OSBPL2: variants seen among roughly 807,000 people sequenced by gnomAD.
OSBPL2 encodes oxysterol binding protein like 2.
Under a neutral mutation model 58.4 loss-of-function variants are expected in OSBPL2, and 18 were observed. That is an observed-to-expected ratio of 0.31 (90% CI 0.21 to 0.46). The LOEUF is 0.46. OSBPL2 is among the 20% of genes least tolerant of loss of function. The pLI is 1.00. For missense variants in OSBPL2, 461 were observed against 616.5 expected (o/e 0.75, Z 2.67); for synonymous variants, 221 against 234.1 (o/e 0.94, Z 0.51).
chr20:62,280,844 TA>T (rs1190785358), intron 7 of OSBPL2, among the ~76,000 whole-genome samples: 1 of 152,228 alleles, frequency 6.6e-6, no homozygotes, highest in African/African-American at 2.4e-5. Flanking sequence ...GACATTTAAG[TA>T]GAAAGCTTTG....
intron 6 of OSBPL2, among the ~76,000 whole-genome samples, chr20:62,274,813 C>A (rs1171063293): frequency 2.0e-5 from 3 of 152,262 alleles, no homozygotes; most frequent in Non-Finnish European, 4.4e-5. Flanking sequence ...CCTCCCTGCC[C>A]AGGAACAGAG....
chr20:62,265,815 A>C (rs1981625605), intron 4 of OSBPL2, among the ~76,000 whole-genome samples: 1 of 152,128 alleles, frequency 6.6e-6, no homozygotes, highest in African/African-American at 2.4e-5. Context: ...TTGACAAACC[A>C]CCTAATTTTG....
chr20:62,274,436 C>T (rs185809324), intron 6 of OSBPL2, among the ~76,000 whole-genome samples: 1 of 152,322 alleles, frequency 6.6e-6, no homozygotes, highest in Admixed American at 6.5e-5. Flanking sequence ...CCGTGGACCC[C>T]GTCATTCTCT....
At chr20:62,293,655 G>T in intron 13 of OSBPL2, 130 bp from the exon 14 acceptor site, 1 of 683,360 alleles carries the variant, frequency 1.5e-6, no homozygotes, top group Non-Finnish European at 2.4e-6. Context: ...TTGTTACGCT[G>T]GGCTGCATTT....
intron 8 of OSBPL2, chr20:62,281,421 C>G (rs1244643747): frequency 9.4e-6 from 5 of 531,196 alleles, no homozygotes; most frequent in Non-Finnish European, 1.7e-5. Context: ...AGAGCTGTGT[C>G]ATTGCCAGGT....
In OSBPL2 at chr20:62,283,861, G is replaced by T. The variant is rs2274937; in HGVS notation, c.873-185G>T. ...TTTCCGGCCCTTCATTTTCCTTTCC[G>T]TGGTGTGTATCGGGGCTACGAATGG... On this transcript the variant is annotated intron_variant, in intron 9 of 13. Transcript: ENST00000313733. Among the ~76,000 whole-genome samples, 4 of 151,798 alleles carry T rather than the reference G, an allele frequency of 2.6e-5. No individual in the cohort carries two copies. The East Asian group carries it at 7.8e-4, about 29-fold the overall frequency.
intron 6 of OSBPL2, among the ~76,000 whole-genome samples, chr20:62,274,427 C>T (rs957775192): frequency 1.3e-5 from 2 of 152,148 alleles, no homozygotes; most frequent in East Asian, 1.9e-4. Context: ...TTCCACTGCC[C>T]GTGGACCCCG....
Position 62,289,189 on chromosome 20 carries a change from C to T in OSBPL2, c.1126-18C>T. The T allele has an allele frequency of 6.2e-7, 1 of 1,613,220 alleles. No homozygotes were observed. The highest frequency in any genetic ancestry group is 8.5e-7 in the Non-Finnish European group (1 of 1,179,574). ...CAGAGGCCCTGCTGAGGTCGTGTCT[C>T]TGTGCCTTGCTCCACAGATGTATAA... On this transcript the variant is annotated intron_variant, in intron 11 of 13. Transcript: ENST00000313733.
chr20:62,290,735 T>G (rs1568854917), intron 12 of OSBPL2, among the ~76,000 whole-genome samples: 1 of 145,770 alleles, frequency 6.9e-6, no homozygotes, highest in African/African-American at 2.6e-5. Flanking sequence ...TTTTTTTTTG[T>G]TTTTTTTGTT....
chr20:62,290,743 GTT>G (rs1233805508), intron 12 of OSBPL2, among the ~76,000 whole-genome samples: 1 of 122,256 alleles, frequency 8.2e-6, no homozygotes. Context: ...TGTTTTTTTT[GTT>G]TTTTTTTTTT....
chr20:62,286,898 G>C (rs1162548310), intron 11 of OSBPL2, among the ~76,000 whole-genome samples, 187 bp downstream of exon 11: 1 of 152,228 alleles, frequency 6.6e-6, no homozygotes, highest in Non-Finnish European at 1.5e-5. Flanking sequence ...GCTGCGTCCC[G>C]GCCCTGTGCT....
chr20:62,280,781 G>A (rs1383612954), intron 7 of OSBPL2, among the ~76,000 whole-genome samples: 3 of 152,232 alleles, frequency 2.0e-5, no homozygotes, highest in Non-Finnish European at 4.4e-5. Flanking sequence ...CGACTTCACA[G>A]GAAAGCCATT....
At chr20:62,266,686 C>A (rs953996735) in intron 4 of OSBPL2, among the ~76,000 whole-genome samples, 2 of 152,200 alleles carry the variant, frequency 1.3e-5, no homozygotes, top group Non-Finnish European at 2.9e-5. Flanking sequence ...TCTCCTCCCT[C>A]GTATTTTGAA....
intron 6 of OSBPL2, among the ~76,000 whole-genome samples, chr20:62,277,869 T>C (rs1391228913): frequency 1.3e-5 from 2 of 152,198 alleles, no homozygotes; most frequent in African/African-American, 2.4e-5. Flanking sequence ...CTAAAAATCC[T>C]GTTCCTGGAC....
Position 62,291,702 on chromosome 20 carries a change from G to C in OSBPL2, c.1250-1G>C. 1.2e-6 allele frequency: 2 copies of C among 1,613,714 alleles called. No homozygotes were observed. The highest frequency in any genetic ancestry group is 8.5e-7 in the Non-Finnish European group (1 of 1,179,964). On this transcript the variant is annotated splice_acceptor_variant, in intron 12 of 13. Coordinates refer to ENST00000313733, the MANE Select transcript of OSBPL2 (RefSeq NM_144498.4). LOFTEE classifies it high-confidence loss of function. Reference sequence around the variant, plus strand: ...ACCTAAACTGTTTGCTTGGATCCTAGATCTGGCCAGCCAGGAGAAGGAGCG... The same window carrying C: ...ACCTAAACTGTTTGCTTGGATCCTACATCTGGCCAGCCAGGAGAAGGAGCG...
intron 1 of OSBPL2, among the ~76,000 whole-genome samples, chr20:62,245,275 G>A (rs1980024478): frequency 1.3e-5 from 2 of 152,122 alleles, no homozygotes; most frequent in South Asian, 4.1e-4. Context: ...TGTATTTTTA[G>A]TAGAGATGGG....
At chr20:62,279,892 T>C in intron 7 of OSBPL2, 6 of 1,222,464 alleles carry the variant, frequency 4.9e-6, no homozygotes, top group Non-Finnish European at 6.4e-6. Flanking sequence ...TCCCCCACCC[T>C]GTGCTCATGT....
At chr20:62,284,374 ATTT>A (rs11306058) in intron 10 of OSBPL2, 1,008 of 454,702 alleles carry the variant, frequency 2.2e-3, no homozygotes, top group Non-Finnish European at 2.5e-3. Context: ...ATTTCTTTCC[ATTT>A]TTTTTTTTTT....
At chr20:62,285,218 G>A (rs1983037507) in intron 10 of OSBPL2, 1 of 152,198 alleles carries the variant, frequency 6.6e-6, no homozygotes, top group Non-Finnish European at 1.5e-5. Flanking sequence ...ATTTAAAAAG[G>A]AAAATTCTGC....
Sources: allele counts gnomAD v4.1 joint callset (sites outside exome capture counted in the v4.1 genomes callset), GRCh38; gene constraint gnomAD v4.1.1; transcripts MANE v1.5; gene names NCBI Gene and HGNC (gene_info 2026-07-23, HGNC 2026-07-21).